The following ZC3HC1 variants were observed in gnomAD, a reference collection of about 807,000 sequenced individuals.
ZC3HC1 encodes zinc finger C3HC-type protein 1.
Under a neutral mutation model 61.9 loss-of-function variants are expected in ZC3HC1, and 38 were observed. The observed-to-expected ratio is 0.61, with a 90% CI of 0.47 to 0.81. The LOEUF is 0.81. Ranked by LOEUF, ZC3HC1 falls within the 30% of genes least tolerant of loss-of-function variation. The pLI is 0.00. For missense variants in ZC3HC1, 554 were observed against 622.7 expected (o/e 0.89, Z 1.17); for synonymous variants, 213 against 229.9 (o/e 0.93, Z 0.67).
At chr7:130,025,791 C>T (rs1236226984) in intron 6 of ZC3HC1, among the ~76,000 whole-genome samples, 2 of 128,394 alleles carry the variant, frequency 1.6e-5, no homozygotes, top group East Asian at 2.6e-4. Context: ...GGCGTGAACC[C>T]GGGAGGCGGA....
chr7:130,032,757 G>GGGGAAGGGGAGGA (rs1794266003), intron 4 of ZC3HC1, among the ~76,000 whole-genome samples: 1 of 59,222 alleles, frequency 1.7e-5, no homozygotes, highest in Non-Finnish European at 3.1e-5. Context: ...GAGGGGAAGG[G>GGGGAAGGGGAGGA]GGGAAGGGAA....
intron 4 of ZC3HC1, among the ~76,000 whole-genome samples, chr7:130,038,136 T>A (rs578094331): frequency 6.6e-6 from 1 of 152,314 alleles, no homozygotes; most frequent in South Asian, 2.1e-4. Context: ...GATTACACTT[T>A]GGGCTCTCTT....
chr7:130,030,088 C>T (rs1794107166), intron 4 of ZC3HC1, among the ~76,000 whole-genome samples: 1 of 151,930 alleles, frequency 6.6e-6, no homozygotes, highest in African/African-American at 2.4e-5. Context: ...ATACTTGGTA[C>T]ACTGGTACAA....
chr7:130,046,606 C>CA (rs796432440), intron 2 of ZC3HC1, among the ~76,000 whole-genome samples: 2,652 of 98,248 alleles, frequency 0.027, 28 homozygotes, highest in Middle Eastern at 0.066. Context: ...GACTCCATCT[C>CA]AAAAAAAAAA....
intron 5 of ZC3HC1, 79 bp downstream of exon 5, chr7:130,028,823 T>C (rs1794046285): frequency 4.5e-6 from 7 of 1,545,336 alleles, no homozygotes; most frequent in Non-Finnish European, 6.1e-6. Context: ...TTGCATCTTC[T>C]TGTCATTAAA....
At chr7:130,050,511 C>G in intron 1 of ZC3HC1, 1 of 1,471,960 alleles carries the variant, frequency 6.8e-7, no homozygotes, top group Non-Finnish European at 8.9e-7. Flanking sequence ...AAATTCACAG[C>G]ATCCATAAAC....
rs147798925 is a variant in ZC3HC1 at position 130,031,848 on chromosome 7, C to G, written c.494-2819G>C. 1.2e-3 allele frequency among the ~76,000 whole-genome samples: 178 copies of G among 152,290 alleles called. 5 individuals are homozygous for G. The East Asian group carries it at 0.029, about 25-fold the overall frequency. Reference sequence around the variant, plus strand: ...TTGACTACTGAAGGTGTGCTCCCCCCACCACACACAGAGCTCCTTGGCAAG... The same window carrying G: ...TTGACTACTGAAGGTGTGCTCCCCCGACCACACACAGAGCTCCTTGGCAAG... On this transcript the variant is annotated intron_variant, in intron 4 of 9. Transcript: ENST00000358303.
Position 130,023,622 on chromosome 7 carries a change from T to G in ZC3HC1, c.1122A>C (p.Arg374Ser). ...CCATGCTTCGGGTCACTGGGCGAGT[T>G]CTGGTGGTGGGGCTAGCAGCCTCTG... ...PEPEAASPTT[R>S]TRPVTRSMGT... Residue 374 changes from arginine (R) to serine (S), a missense_variant, in exon 8 of 10, where the codon AGA becomes AGC. Transcript: ENST00000358303. This position sits in a 1 kb window ranked among gnomAD's most constrained non-coding sequence, Gnocchi z 4.2. 6.2e-7 allele frequency: 1 copy of G among 1,614,036 alleles called. No homozygotes were observed. The highest frequency in any genetic ancestry group is 8.5e-7 in the Non-Finnish European group (1 of 1,179,998).
intron 5 of ZC3HC1, 168 bp from the exon 6 acceptor site, chr7:130,026,480 T>C (rs994468277): frequency 1.1e-5 from 7 of 625,942 alleles, no homozygotes; most frequent in Non-Finnish European, 1.5e-5. Context: ...GGCTATAGTA[T>C]CACACAGAAG....
At chr7:130,051,443 T>G (rs1795076098), upstream of ZC3HC1, 22 of 1,594,452 alleles carry the variant, frequency 1.4e-5, no homozygotes, top group South Asian at 2.1e-4. Flanking sequence ...AATATCCGCC[T>G]CTTGAGGCAG....
rs531598123 is a variant in ZC3HC1 at position 130,039,604 on chromosome 7, A to G, written c.410-57T>C. On this transcript the variant is annotated intron_variant, in intron 3 of 9. Coordinates refer to ENST00000358303, the MANE Select transcript of ZC3HC1 (RefSeq NM_016478.5). Reference sequence around the variant, plus strand: ...AAACACTATATAGATTCAAAATCCAATGAATGGCCTCTAAGAGCAGAGATT... The same window carrying G: ...AAACACTATATAGATTCAAAATCCAGTGAATGGCCTCTAAGAGCAGAGATT... 11 of 1,293,654 alleles carry G rather than the reference A, an allele frequency of 8.5e-6. No individual in the cohort carries two copies. The African/African-American group carries it at 1.0e-4, about 12-fold the overall frequency. 80.1% of individuals were successfully genotyped at this position (1,293,654 alleles called of 1,614,324 possible). A position where few individuals can be genotyped will look rare whatever the true frequency, so the allele number is the denominator to read the frequency against.
At chr7:130,041,227 TC>T in intron 2 of ZC3HC1, 126 bp from the exon 3 acceptor site, 1 of 1,124,994 alleles carries the variant, frequency 8.9e-7, no homozygotes, top group Non-Finnish European at 1.2e-6. Flanking sequence ...TCACTCTGTC[TC>T]CCAGGCTGGA....
chr7:130,018,738 G>A lies in ZC3HC1; in HGVS notation c.1441-6C>T, dbSNP rs774932017. On this transcript the variant is annotated splice_region_variant and splice_polypyrimidine_tract_variant and intron_variant, in intron 9 of 9. Coordinates refer to ENST00000358303, the MANE Select transcript of ZC3HC1 (RefSeq NM_016478.5). ...CTTGATTTCTCAGAGAGACTCTGTAGGTAGAAAAGCTTATTATTAGTGATT... is the reference window on the plus strand; with the variant it reads ...CTTGATTTCTCAGAGAGACTCTGTAAGTAGAAAAGCTTATTATTAGTGATT... 4 of 1,610,832 alleles carry A rather than the reference G, an allele frequency of 2.5e-6. No individual in the cohort carries two copies. Among genetic ancestry groups the A allele is most frequent in the Middle Eastern group, 3.3e-4 (2 of 6,046 alleles).
intron 2 of ZC3HC1, among the ~76,000 whole-genome samples, chr7:130,045,122 T>A (rs907862729): frequency 2.6e-5 from 4 of 152,116 alleles, no homozygotes; most frequent in African/African-American, 9.7e-5. Context: ...CAATGTCAAT[T>A]TTCTGATTTT....
intron 4 of ZC3HC1, among the ~76,000 whole-genome samples, chr7:130,038,874 A>C (rs1339865753): frequency 2.6e-5 from 4 of 151,454 alleles, no homozygotes. Flanking sequence ...AAAAAAAAAA[A>C]AAAAACCAAA....
chr7:130,041,524 C>CTTT (rs71175069), intron 2 of ZC3HC1, among the ~76,000 whole-genome samples: 5 of 128,842 alleles, frequency 3.9e-5, no homozygotes, highest in Non-Finnish European at 6.4e-5. Context: ...TTAACTCATT[C>CTTT]TTTTTTTTTT....
chr7:130,035,779 G>T (rs1318321578), intron 4 of ZC3HC1, among the ~76,000 whole-genome samples: 1 of 152,100 alleles, frequency 6.6e-6, no homozygotes, highest in Non-Finnish European at 1.5e-5. Flanking sequence ...ATCACGCCTC[G>T]CCACTTTGCC....
At chr7:130,050,676 T>C (rs1212855966) in intron 1 of ZC3HC1, among the ~76,000 whole-genome samples, 3 of 152,332 alleles carry the variant, frequency 2.0e-5, no homozygotes, top group South Asian at 2.1e-4. Flanking sequence ...GGTGGTTGCA[T>C]GTCTTCAAAT....
At chr7:130,026,435 TCTC>T in intron 5 of ZC3HC1, 123 bp from the exon 6 acceptor site, 1 of 1,011,192 alleles carries the variant, frequency 9.9e-7, no homozygotes, top group Non-Finnish European at 1.4e-6. Context: ...TGAAGATACT[TCTC>T]TTCACAGAGA....
Sources: gnomAD v4.1 joint callset for allele counts (sites outside exome capture counted in the v4.1 genomes callset) on GRCh38, gnomAD v4.1.1 for gene constraint, Gnocchi (gnomAD v3.1) non-coding constraint, MANE v1.5 for transcripts, NCBI Gene and HGNC (gene_info 2026-07-23, HGNC 2026-07-21) for gene names.